The following PDCD6 variants were observed in gnomAD, a reference collection of about 807,000 sequenced individuals.
PDCD6 encodes the protein programmed cell death protein 6.
In PDCD6, 12 loss-of-function variants were observed where a neutral mutation model predicts 28.3. The observed-to-expected ratio is 0.42, with a 90% CI of 0.27 to 0.69. The LOEUF (loss-of-function observed/expected upper bound fraction) is 0.69. PDCD6 is among the 30% of genes least tolerant of loss of function. The probability of loss-of-function intolerance (pLI) is 0.22; values close to 1 mark genes in which losing one functional copy is unlikely to be tolerated. For synonymous variants in PDCD6, 92 were observed against 108.0 expected (o/e 0.85, Z 0.92); for missense variants, 226 against 269.9 (o/e 0.84, Z 1.14).
intron 2 of PDCD6, among the ~76,000 whole-genome samples, chr5:274,930 GCTGAGTCCACCATT>G (rs1738091988): frequency 6.6e-6 from 1 of 152,168 alleles, no homozygotes; most frequent in Non-Finnish European, 1.5e-5. Context: ...CCTGATGGGT[GCTGAGTCCACCATT>G]CCTGAGATAC....
chr5:276,706 A>C, intron 2 of PDCD6: 1 of 983,568 alleles, frequency 1.0e-6, no homozygotes, highest in Non-Finnish European at 1.2e-6. Flanking sequence ...GAAAAACTGA[A>C]GCTACAAAAT....
intron 5 of PDCD6, chr5:311,662 G>A (rs1740925823): frequency 6.8e-6 from 3 of 441,078 alleles, no homozygotes; most frequent in South Asian, 5.4e-5. Flanking sequence ...TTACATGTAT[G>A]TTCTGGTGTT....
rs796373008 is a variant in PDCD6 at position 275,402 on chromosome 5, C to CCTGGAG, written c.163+2634_163+2639dup. ...CCCAGGAAATGGCCACCCCATTTCTCCTGGAGCTGCGCGTGTTCTCAGAAA... is the reference window on the plus strand; with the variant it reads ...CCCAGGAAATGGCCACCCCATTTCTCCTGGAGCTGGAGCTGCGCGTGTTCTCAGAAA... On this transcript the variant is annotated intron_variant, in intron 2 of 5. Transcript: ENST00000264933. 2.1e-4 allele frequency among the ~76,000 whole-genome samples: 32 copies of CCTGGAG among 152,362 alleles called. 1 individual carries two copies. The East Asian group carries it at 3.7e-3, about 17-fold the overall frequency.
intron 2 of PDCD6, among the ~76,000 whole-genome samples, chr5:297,221 G>A (rs189369163): frequency 2.0e-3 from 309 of 152,372 alleles, no homozygotes; most frequent in African/African-American, 6.9e-3. Context: ...GAACTTCTGC[G>A]TGTTGCAGAT....
At chr5:276,791 A>G (rs1457513832) in intron 2 of PDCD6, 3 of 985,248 alleles carry the variant, frequency 3.0e-6, no homozygotes, top group Non-Finnish European at 3.6e-6. Flanking sequence ...CTGAGAAGGT[A>G]TTTGTGGCCC....
intron 2 of PDCD6, among the ~76,000 whole-genome samples, chr5:277,465 C>T (rs1271270753): frequency 3.9e-5 from 6 of 152,120 alleles, no homozygotes; most frequent in Non-Finnish European, 8.8e-5. Context: ...CCATGCCTGG[C>T]TAATTTTTTG....
At chr5:276,883 GGTATGAAGAAGAA>G (rs1439182615) in intron 2 of PDCD6, 1 of 984,980 alleles carries the variant, frequency 1.0e-6, no homozygotes, top group Non-Finnish European at 1.2e-6. Context: ...GTGGTGAACA[GGTATGAAGAAGAA>G]GACTGTTCTC....
chr5:289,980 A>G (rs1279529179), intron 2 of PDCD6: 19 of 1,599,298 alleles, frequency 1.2e-5, no homozygotes, highest in South Asian at 2.2e-5. Flanking sequence ...CTGTTCCTGT[A>G]TAGTTTCTCC....
intron 2 of PDCD6, among the ~76,000 whole-genome samples, chr5:295,236 T>C (rs1300231231): frequency 6.6e-6 from 1 of 152,096 alleles, no homozygotes; most frequent in African/African-American, 2.4e-5. Context: ...AAAAAGTATT[T>C]CATAAGCGTA....
At chr5:296,529 G>A (rs188655540) in intron 2 of PDCD6, among the ~76,000 whole-genome samples, 17 of 152,364 alleles carry the variant, frequency 1.1e-4, no homozygotes, top group Non-Finnish European at 2.4e-4. Context: ...CCAGTGCAAG[G>A]CGAGTGAGGG....
chr5:284,193 T>C (rs564595681), intron 2 of PDCD6, among the ~76,000 whole-genome samples: 94 of 151,996 alleles, frequency 6.2e-4, no homozygotes, highest in Non-Finnish European at 1.1e-3. Context: ...TTGAAGGTCT[T>C]GCAGCTGCAG....
At position 306,779 on chromosome 5, in the gene PDCD6, C is replaced by T; in HGVS notation, c.367+19C>T. 6.2e-7 allele frequency: 1 copy of T among 1,610,006 alleles called. No individual in the cohort carries two copies. Among genetic ancestry groups the T allele is most frequent in the Non-Finnish European group, 8.5e-7 (1 of 1,176,768 alleles). ...GGTTTCGGTAACTCACTCACTCTGG[C>T]TTGTGTAGCGTGTTTCATTTTGGAA... On this transcript the variant is annotated intron_variant, in intron 4 of 5. Coordinates refer to ENST00000264933, the MANE Select transcript of PDCD6 (RefSeq NM_013232.4).
chr5:304,076 G>A lies in PDCD6; in HGVS notation c.164-101G>A, dbSNP rs1398105025. 36 of 1,499,192 alleles carry A rather than the reference G, an allele frequency of 2.4e-5. 1 individual carries two copies. Among genetic ancestry groups the A allele is most frequent in the Non-Finnish European group, 2.4e-5 (27 of 1,108,866 alleles). The allele number at this position is 1,499,192 out of a possible 1,614,324, so 92.9% of individuals were successfully genotyped here. On this transcript the variant is annotated intron_variant, in intron 2 of 5. Transcript: ENST00000264933. The stretch of plus-strand genomic sequence containing the variant: ...GTGTCTAGAAAACCACTACCTTAGA[G>A]CCCCCACTGCTTTTCCTGGTGCCTC...
chr5:295,207 CT>C (rs1222181887), intron 2 of PDCD6, among the ~76,000 whole-genome samples: 8 of 136,500 alleles, frequency 5.9e-5, no homozygotes. Context: ...AAAAAAAACT[CT>C]TAAAATAAAA....
chr5:299,223 CTGTTCCCCCTCCGCTGCTCCCCCCCA>C, intron 2 of PDCD6, among the ~76,000 whole-genome samples: 1 of 27,308 alleles, frequency 3.7e-5, no homozygotes, highest in Non-Finnish European at 6.8e-5. Flanking sequence ...CTCCCCCCAG[CTGTTCCCCCTCCGCTGCTCCCCCCCA>C]GCTGTTCCCC....
At chr5:297,821 A>C (rs1739715540) in intron 2 of PDCD6, among the ~76,000 whole-genome samples, 1 of 152,230 alleles carries the variant, frequency 6.6e-6, no homozygotes, top group Non-Finnish European at 1.5e-5. Flanking sequence ...CCAAAGTATC[A>C]GTAATTTGAA....
chr5:301,722 C>T (rs976722522), intron 2 of PDCD6, among the ~76,000 whole-genome samples: 3 of 150,242 alleles, frequency 2.0e-5, no homozygotes, highest in Admixed American at 6.6e-5. Context: ...GGTGCACCTG[C>T]CTTTGTGGGG....
At chr5:283,026 C>G (rs1211160238) in intron 2 of PDCD6, among the ~76,000 whole-genome samples, 1 of 150,644 alleles carries the variant, frequency 6.6e-6, no homozygotes, top group Non-Finnish European at 1.5e-5. Flanking sequence ...CAGCTGAAGA[C>G]TTGGGGAGGA....
At chr5:312,599 C>T (rs143485682) in intron 5 of PDCD6, among the ~76,000 whole-genome samples, 149 of 152,206 alleles carry the variant, frequency 9.8e-4, no homozygotes, top group African/African-American at 3.4e-3. Context: ...CCCTGCCTCT[C>T]GGGGTTCCTG....
Sources: gnomAD v4.1 joint callset for allele counts (sites outside exome capture counted in the v4.1 genomes callset) on GRCh38, gnomAD v4.1.1 for gene constraint, MANE v1.5 for transcripts, NCBI Gene and HGNC (gene_info 2026-07-23, HGNC 2026-07-21) for gene names.